The following BBS9 variants were observed in gnomAD, a reference collection of about 807,000 sequenced individuals.
BBS9 encodes protein PTHB1.
BBS9 carries 89 observed loss-of-function variants against 117.7 expected under a neutral mutation model. The observed-to-expected ratio is 0.76, with a 90% CI of 0.64 to 0.90. BBS9 has a LOEUF of 0.90. Ranked by LOEUF, BBS9 falls within the 40% of genes least tolerant of loss-of-function variation. The pLI, the probability that BBS9 is intolerant of heterozygous loss-of-function variation, is 0.00. For missense variants in BBS9, 982 were observed against 1,042.2 expected (o/e 0.94, Z 0.80); for synonymous variants, 379 against 370.9 (o/e 1.02, Z -0.25).
At chr7:33,607,721 CT>C (rs35117895), downstream of BBS9, among the ~76,000 whole-genome samples, 7 of 151,766 alleles carry the variant, frequency 4.6e-5, no homozygotes, top group Admixed American at 2.0e-4. Flanking sequence ...GTTGATCAGA[CT>C]TTTTTAAAAA....
At chr7:33,252,008 G>A (rs1453782119) in intron 5 of BBS9, among the ~76,000 whole-genome samples, 1 of 152,144 alleles carries the variant, frequency 6.6e-6, no homozygotes, top group East Asian at 1.9e-4. Context: ...GGCTGTACAG[G>A]AAGCATGATG....
intron 19 of BBS9, among the ~76,000 whole-genome samples, chr7:33,417,323 G>A (rs1371978955): frequency 2.6e-5 from 4 of 152,122 alleles, no homozygotes; most frequent in Admixed American, 2.6e-4. Context: ...TTCCTTCTGT[G>A]GGCTTGAATA....
At chr7:33,424,575 C>T (rs1050025491) in intron 19 of BBS9, among the ~76,000 whole-genome samples, 2 of 152,004 alleles carry the variant, frequency 1.3e-5, no homozygotes, top group Admixed American at 6.6e-5. Context: ...TCAAAATGAA[C>T]TTTTAAAAAA....
At chr7:33,555,012 C>A (rs1377484719) in intron 21 of BBS9, among the ~76,000 whole-genome samples, 1 of 152,208 alleles carries the variant, frequency 6.6e-6, no homozygotes, top group African/African-American at 2.4e-5. Context: ...AGCTTACATA[C>A]TTCTACCTGA....
intron 19 of BBS9, among the ~76,000 whole-genome samples, chr7:33,431,170 C>T (rs2128877647): frequency 6.6e-6 from 1 of 150,488 alleles, no homozygotes; most frequent in South Asian, 2.1e-4. Flanking sequence ...ACATTCCAAC[C>T]AGCCTGGGAG....
intron 9 of BBS9, among the ~76,000 whole-genome samples, chr7:33,296,536 C>T (rs1379904069): frequency 6.6e-6 from 1 of 152,112 alleles, no homozygotes; most frequent in Non-Finnish European, 1.5e-5. Flanking sequence ...CCTAAAAGAG[C>T]AATATGGAAC....
Position 33,589,138 on chromosome 7 carries a change from C to T in BBS9, c.2522-15727C>T, listed in dbSNP as rs1861451623. Among the ~76,000 whole-genome samples the T allele has an allele frequency of 3.3e-5, 5 of 152,232 alleles. No homozygotes were observed. The South Asian group carries it at 1.0e-3, about 32-fold the overall frequency. ...CAATTTAGCAATACAGTAATTCCCTCCTTATCCATGGAGGATGTGTTCTGA... is the reference window on the plus strand; with the variant it reads ...CAATTTAGCAATACAGTAATTCCCTTCTTATCCATGGAGGATGTGTTCTGA... On this transcript the variant is annotated intron_variant, in intron 21 of 22. Coordinates refer to ENST00000242067, the MANE Select transcript of BBS9 (RefSeq NM_198428.3).
chr7:33,325,632 T>C (rs1255391203), intron 9 of BBS9, among the ~76,000 whole-genome samples: 1 of 152,194 alleles, frequency 6.6e-6, no homozygotes, highest in African/African-American at 2.4e-5. Context: ...TTCTGAAGGC[T>C]TTCCAGGTAT....
intron 19 of BBS9, among the ~76,000 whole-genome samples, chr7:33,483,100 TG>T (rs761718500): frequency 2.6e-5 from 4 of 151,274 alleles, no homozygotes; most frequent in African/African-American, 9.7e-5. Context: ...ACCTTTTCTT[TG>T]GGGGGCGGGG....
chr7:33,230,496 T>G (rs980323512), intron 5 of BBS9, among the ~76,000 whole-genome samples: 47 of 152,174 alleles, frequency 3.1e-4, no homozygotes, highest in African/African-American at 1.1e-3. Context: ...GTAGTGAAGT[T>G]TAGGATTTTA....
downstream of BBS9, among the ~76,000 whole-genome samples, chr7:33,608,473 T>G (rs1018834730): frequency 5.3e-5 from 8 of 152,150 alleles, no homozygotes; most frequent in African/African-American, 1.7e-4. Context: ...CTGTCTACAG[T>G]GGCTGAACTA....
chr7:33,578,418 G>A (rs1437244471), intron 21 of BBS9, among the ~76,000 whole-genome samples: 1 of 152,214 alleles, frequency 6.6e-6, no homozygotes, highest in African/African-American at 2.4e-5. Flanking sequence ...TTCAGCTGTG[G>A]TCTGGAATGG....
Position 33,417,228 on chromosome 7 carries a change from C to G in BBS9, c.2115+29084C>G, listed in dbSNP as rs1225843683. Among the ~76,000 whole-genome samples the G allele has an allele frequency of 2.6e-5, 4 of 152,090 alleles. 1 individual carries two copies. Among genetic ancestry groups the G allele is most frequent in the African/African-American group, 9.7e-5 (4 of 41,420 alleles). On this transcript the variant is annotated intron_variant, in intron 19 of 22. Coordinates refer to ENST00000242067, the MANE Select transcript of BBS9 (RefSeq NM_198428.3). ...ATTTGAAATGTGTTCTGATTCAGTTCTATTTTAGTACATCATGGGCTAAGG... is the reference window on the plus strand; with the variant it reads ...ATTTGAAATGTGTTCTGATTCAGTTGTATTTTAGTACATCATGGGCTAAGG...
intron 1 of BBS9, among the ~76,000 whole-genome samples, chr7:33,132,813 C>G (rs1789833404): frequency 6.6e-6 from 1 of 152,122 alleles, no homozygotes; most frequent in South Asian, 2.1e-4. Context: ...ATTTGTGTCT[C>G]AATTTATGGC....
At chr7:33,585,268 C>T (rs1007722763) in intron 21 of BBS9, among the ~76,000 whole-genome samples, 4 of 151,982 alleles carry the variant, frequency 2.6e-5, no homozygotes, top group African/African-American at 9.7e-5. Context: ...AGTGATTTTC[C>T]CAAACCCTTT....
At chr7:33,536,982 CA>C (rs1851543529) in intron 21 of BBS9, among the ~76,000 whole-genome samples, 1 of 151,696 alleles carries the variant, frequency 6.6e-6, no homozygotes, top group Non-Finnish European at 1.5e-5. Context: ...TACAAAGTGG[CA>C]TATTAGAAAG....
chr7:33,249,387 G>A (rs961841524), intron 5 of BBS9, among the ~76,000 whole-genome samples: 3 of 151,966 alleles, frequency 2.0e-5, no homozygotes, highest in African/African-American at 7.3e-5. Flanking sequence ...TTAAAGCTTT[G>A]ACTATATGAT....
rs1387020311 is a variant in BBS9, at chr7:33,274,258, T to A, written c.1016+302T>A. On this transcript the variant is annotated intron_variant, in intron 9 of 22. Coordinates refer to ENST00000242067, the MANE Select transcript of BBS9 (RefSeq NM_198428.3). ...GATTATTCTTCAGAATACAAAAATA[T>A]TTCTTTTAGCATTTGATGAGTCCCT... Among the ~76,000 whole-genome samples, 3 of 152,186 alleles carry A rather than the reference T, an allele frequency of 2.0e-5. No individual in the cohort carries two copies. The East Asian group carries it at 5.8e-4, about 29-fold the overall frequency.
chr7:33,261,370 G>T (rs1194998305), intron 6 of BBS9, among the ~76,000 whole-genome samples: 9 of 152,152 alleles, frequency 5.9e-5, no homozygotes, highest in Non-Finnish European at 1.2e-4. Flanking sequence ...GTGAAAGTGG[G>T]TGTTCAATGA....
Sources: gnomAD v4.1 joint callset for allele counts (sites outside exome capture counted in the v4.1 genomes callset) on GRCh38, gnomAD v4.1.1 for gene constraint, MANE v1.5 for transcripts, NCBI Gene and HGNC (gene_info 2026-07-23, HGNC 2026-07-21) for gene names.